The following ADAMTS16 variants were observed in gnomAD, a reference collection of about 807,000 sequenced individuals.
ADAMTS16 encodes ADAM metallopeptidase with thrombospondin type 1 motif 16.
In ADAMTS16, 94 loss-of-function variants were observed where a neutral mutation model predicts 145.8. That is an observed-to-expected ratio of 0.64 (90% CI 0.55 to 0.77). The LOEUF (loss-of-function observed/expected upper bound fraction) is 0.77, where lower values mean the gene tolerates loss of function less well. Ranked by LOEUF, ADAMTS16 falls within the 30% of genes least tolerant of loss-of-function variation. The pLI, the probability that ADAMTS16 is intolerant of heterozygous loss-of-function variation, is 0.00. For synonymous variants in ADAMTS16, 659 were observed against 604.3 expected (o/e 1.09, Z -1.33); for missense variants, 1,585 against 1,591.5 (o/e 1.00, Z 0.07).
chr5:5,271,687 G>T (rs1208723215), intron 18 of ADAMTS16, among the ~76,000 whole-genome samples: 2 of 152,232 alleles, frequency 1.3e-5, no homozygotes. Context: ...GGGGATTGAA[G>T]ATACAAGAGG....
At chr5:5,233,101 A>G (rs1736989296) in intron 12 of ADAMTS16, among the ~76,000 whole-genome samples, 1 of 152,208 alleles carries the variant, frequency 6.6e-6, no homozygotes, top group African/African-American at 2.4e-5. Flanking sequence ...TACTTGACAT[A>G]CCAAGGATCT....
chr5:5,245,804 G>A (rs1192714320), intron 17 of ADAMTS16, among the ~76,000 whole-genome samples: 2 of 152,154 alleles, frequency 1.3e-5, no homozygotes, highest in Non-Finnish European at 2.9e-5. Flanking sequence ...GCCAGGTAAT[G>A]CCTTTTATCT....
At position 5,140,748 on chromosome 5, in the gene ADAMTS16, G is replaced by A. The variant is rs781399042; in HGVS notation, c.157G>A (p.Gly53Ser). ...PRPPPPAERP[G>S]WMEKGEYDLV... ...TCCTCCTCCACCCGCGGAGCGGCCGGGCTGGATGGAAAAGGGCGGTAAGTC... is the reference window on the plus strand; with the variant it reads ...TCCTCCTCCACCCGCGGAGCGGCCGAGCTGGATGGAAAAGGGCGGTAAGTC... Residue 53 changes from glycine to serine, a missense_variant, in exon 2 of 23, where the codon GGC becomes AGC. Coordinates refer to ENST00000274181, the MANE Select transcript of ADAMTS16 (RefSeq NM_139056.4). 1 of 1,566,294 alleles carries A rather than the reference G, an allele frequency of 6.4e-7. No individual in the cohort carries two copies. The highest frequency in any genetic ancestry group is 1.2e-5 in the South Asian group (1 of 85,442).
chr5:5,275,935 C>T (rs1488892896), intron 18 of ADAMTS16, among the ~76,000 whole-genome samples: 2 of 151,754 alleles, frequency 1.3e-5, no homozygotes, highest in East Asian at 1.9e-4. Flanking sequence ...ATCAGCTCAC[C>T]GCAACCAACA....
intron 9 of ADAMTS16, among the ~76,000 whole-genome samples, chr5:5,208,221 A>G (rs1369242314): frequency 6.6e-6 from 1 of 151,016 alleles, no homozygotes; most frequent in African/African-American, 2.5e-5. Context: ...CCTAGAAATG[A>G]GCCAGAAATC....
At chr5:5,272,411 G>T (rs1579364875) in intron 18 of ADAMTS16, among the ~76,000 whole-genome samples, 1 of 146,494 alleles carries the variant, frequency 6.8e-6, no homozygotes, top group East Asian at 2.0e-4. Flanking sequence ...ACCCAGGCTG[G>T]AGTGCAGTGG....
At chr5:5,293,401 T>A (rs1739406055) in intron 18 of ADAMTS16, among the ~76,000 whole-genome samples, 1 of 152,168 alleles carries the variant, frequency 6.6e-6, no homozygotes, top group South Asian at 2.1e-4. Flanking sequence ...TCATGCTGTT[T>A]CCTCTTGATC....
Position 5,269,200 on chromosome 5 carries a change from A to G in ADAMTS16, c.2789+6417A>G, listed in dbSNP as rs756454289. On this transcript the variant is annotated intron_variant, in intron 18 of 22. Transcript: ENST00000274181. This position sits in a 1 kb window ranked among gnomAD's most constrained non-coding sequence, Gnocchi z 4.3. ...CACTGCCCAGGACCCCGGAGCCCCCACCCAGGCCAGAGGCTGTGGCAGTGC... is the reference window on the plus strand; with the variant it reads ...CACTGCCCAGGACCCCGGAGCCCCCGCCCAGGCCAGAGGCTGTGGCAGTGC... 3.3e-5 allele frequency among the ~76,000 whole-genome samples: 5 copies of G among 151,388 alleles called. No individual in the cohort carries two copies. Among genetic ancestry groups the G allele is most frequent in the Non-Finnish European group, 7.4e-5 (5 of 67,882 alleles).
At chr5:5,300,551 C>T (rs769850494) in intron 18 of ADAMTS16, among the ~76,000 whole-genome samples, 3 of 152,142 alleles carry the variant, frequency 2.0e-5, no homozygotes, top group Non-Finnish European at 4.4e-5. Context: ...TGAATCTTTT[C>T]AGTGAAAACA....
intron 3 of ADAMTS16, among the ~76,000 whole-genome samples, chr5:5,152,017 G>T (rs935311611): frequency 3.9e-5 from 6 of 152,118 alleles, no homozygotes; most frequent in African/African-American, 1.4e-4. Flanking sequence ...TTCTGTGTCT[G>T]GCTTATTTCA....
intron 20 of ADAMTS16, among the ~76,000 whole-genome samples, chr5:5,305,327 T>TC (rs1449521028): frequency 8.9e-4 from 7 of 7,826 alleles, no homozygotes; most frequent in South Asian, 7.9e-3. Flanking sequence ...CACACACACA[T>TC]CCACACCACA....
At chr5:5,256,253 T>A (rs1475302124) in intron 17 of ADAMTS16, among the ~76,000 whole-genome samples, 1 of 152,192 alleles carries the variant, frequency 6.6e-6, no homozygotes, top group African/African-American at 2.4e-5. Flanking sequence ...GCTACTGACA[T>A]TTACTGGGCA....
intron 18 of ADAMTS16, among the ~76,000 whole-genome samples, chr5:5,301,807 G>A (rs552377669): frequency 1.9e-4 from 29 of 152,318 alleles, no homozygotes; most frequent in South Asian, 2.1e-4. Flanking sequence ...CAGCAATGCC[G>A]TAGAGTGGAA....
Position 5,269,138 on chromosome 5 carries a change from CCTT to C in ADAMTS16, c.2789+6358_2789+6360del, listed in dbSNP as rs1030274575. ...GCTTCAAGATCCACACTGAAGTTGTCCTTCTGTCTCACTGCATGGCTGATCGTC... is the reference window on the plus strand; with the variant it reads ...GCTTCAAGATCCACACTGAAGTTGTCCTGTCTCACTGCATGGCTGATCGTC... On this transcript the variant is annotated intron_variant, in intron 18 of 22. Coordinates refer to ENST00000274181, the MANE Select transcript of ADAMTS16 (RefSeq NM_139056.4). This position sits in a 1 kb window ranked among gnomAD's most constrained non-coding sequence, Gnocchi z 4.3. Among the ~76,000 whole-genome samples the C allele has an allele frequency of 1.6e-4, 25 of 152,116 alleles. No homozygotes were observed. The highest frequency in any genetic ancestry group is 6.0e-4 in the African/African-American group (25 of 41,406).
chr5:5,293,605 C>T (rs778928360), intron 18 of ADAMTS16, among the ~76,000 whole-genome samples: 4 of 152,124 alleles, frequency 2.6e-5, no homozygotes, highest in Non-Finnish European at 5.9e-5. Flanking sequence ...GTCCTGAGAT[C>T]GGGAGCAACT....
chr5:5,273,582 C>T (rs376018629), intron 18 of ADAMTS16, among the ~76,000 whole-genome samples: 66 of 152,294 alleles, frequency 4.3e-4, no homozygotes, highest in East Asian at 1.5e-3. Context: ...TACAGTGTGA[C>T]GTCACCAGAT....
chr5:5,306,033 T>C (rs1740139259), intron 20 of ADAMTS16, among the ~76,000 whole-genome samples: 1 of 152,186 alleles, frequency 6.6e-6, no homozygotes, highest in Non-Finnish European at 1.5e-5. Context: ...CACGCACGCT[T>C]CCTTTCCTCG....
chr5:5,228,985 C>G (rs1736844033), intron 11 of ADAMTS16, among the ~76,000 whole-genome samples: 1 of 152,224 alleles, frequency 6.6e-6, no homozygotes, highest in Non-Finnish European at 1.5e-5. Flanking sequence ...TTGTTCTCCT[C>G]TGCCTTTGCC....
At chr5:5,158,781 AT>A (rs1213865145) in intron 3 of ADAMTS16, among the ~76,000 whole-genome samples, 1 of 152,260 alleles carries the variant, frequency 6.6e-6, no homozygotes, top group East Asian at 1.9e-4. Flanking sequence ...ACTAAGTGGC[AT>A]TTGTCCAGCT....
Sources: gnomAD v4.1 joint callset for allele counts (sites outside exome capture counted in the v4.1 genomes callset) on GRCh38, gnomAD v4.1.1 for gene constraint, Gnocchi (gnomAD v3.1) non-coding constraint, MANE v1.5 for transcripts, NCBI Gene and HGNC (gene_info 2026-07-23, HGNC 2026-07-21) for gene names.